Variants in CPNE4 observed in about 807,000 individuals in gnomAD.
The protein encoded by CPNE4 is copine-4.
CPNE4 carries 25 observed loss-of-function variants against 67.9 expected under a neutral mutation model. That is an observed-to-expected ratio of 0.37 (90% confidence interval 0.27 to 0.51). The LOEUF (loss-of-function observed/expected upper bound fraction) is 0.51. CPNE4 is among the 20% of genes least tolerant of loss of function. The pLI, the probability that CPNE4 is intolerant of heterozygous loss-of-function variation, is 0.93. For synonymous variants in CPNE4, 242 were observed against 244.9 expected, an observed-to-expected ratio of 0.99 and a Z score of 0.11; for missense variants, 464 against 690.8, an observed-to-expected ratio of 0.67 and a Z score of 3.68.
intron 6 of CPNE4, among the ~76,000 whole-genome samples, chr3:131,672,115 G>C (rs1225374745): frequency 6.6e-6 from 1 of 152,020 alleles, no homozygotes; most frequent in Non-Finnish European, 1.5e-5. Context: ...TTAATATAAA[G>C]ACCTCCAGTT....
chr3:131,733,053 A>T (rs2082162652), intron 2 of CPNE4, among the ~76,000 whole-genome samples: 1 of 152,242 alleles, frequency 6.6e-6, no homozygotes, highest in African/African-American at 2.4e-5. Flanking sequence ...TCATCCCAAC[A>T]ACTATATATT....
intron 2 of CPNE4, among the ~76,000 whole-genome samples, chr3:131,771,664 A>G (rs1045665196): frequency 6.6e-6 from 1 of 152,068 alleles, no homozygotes; most frequent in Admixed American, 6.6e-5. Context: ...AGAACCATGA[A>G]CCAAATAAAC....
chr3:131,569,372 C>T (rs1247669527), intron 10 of CPNE4, among the ~76,000 whole-genome samples: 1 of 151,956 alleles, frequency 6.6e-6, no homozygotes, highest in African/African-American at 2.4e-5. Flanking sequence ...CGGTGGCTCA[C>T]ACTTATAATC....
At chr3:131,808,968 C>T (rs2084424527) in intron 2 of CPNE4, among the ~76,000 whole-genome samples, 1 of 152,080 alleles carries the variant, frequency 6.6e-6, no homozygotes, top group Non-Finnish European at 1.5e-5. Flanking sequence ...TAAAAGTAGC[C>T]TGTGGTTTTT....
intron 2 of CPNE4, among the ~76,000 whole-genome samples, chr3:131,889,946 G>A (rs2088039466): frequency 6.6e-6 from 1 of 151,742 alleles, no homozygotes; most frequent in Non-Finnish European, 1.5e-5. Context: ...AACTAATAAT[G>A]GATTAAAGAC....
chr3:131,574,319 G>A (rs1470523550), intron 10 of CPNE4, among the ~76,000 whole-genome samples: 1 of 152,070 alleles, frequency 6.6e-6, no homozygotes, highest in East Asian at 1.9e-4. Flanking sequence ...TTTTCTGGAA[G>A]TCACATCTGA....
intron 2 of CPNE4, among the ~76,000 whole-genome samples, chr3:131,893,757 T>C (rs563660533): frequency 6.6e-6 from 1 of 151,998 alleles, no homozygotes; most frequent in South Asian, 2.1e-4. Context: ...AAAATTTTTA[T>C]TGGGATACAT....
At chr3:131,942,382 CCA>C (rs1553810130) in intron 1 of CPNE4, among the ~76,000 whole-genome samples, 2 of 145,254 alleles carry the variant, frequency 1.4e-5, no homozygotes, top group Non-Finnish European at 3.0e-5. Context: ...CCAAAGTCTA[CCA>C]CAGTTAATAT....
chr3:131,552,414 T>C, intron 13 of CPNE4, 26 bp downstream of exon 13: 1 of 1,605,738 alleles, frequency 6.2e-7, no homozygotes, highest in East Asian at 2.2e-5. Flanking sequence ...ACTGTGACAC[T>C]GGCTTTCTTT....
intron 1 of CPNE4, among the ~76,000 whole-genome samples, chr3:131,958,605 T>C (rs1189598744): frequency 2.2e-4 from 15 of 69,024 alleles, no homozygotes; most frequent in Non-Finnish European, 3.7e-4. Context: ...CCTTTCTTTC[T>C]TTTCTTTTTT....
intron 3 of CPNE4, among the ~76,000 whole-genome samples, chr3:131,717,964 T>C (rs1165444819): frequency 6.7e-6 from 1 of 150,116 alleles, no homozygotes; most frequent in Non-Finnish European, 1.5e-5. Context: ...TCTCTCTTTC[T>C]TTCTCTCTCT....
At position 131,617,871 on chromosome 3, in the gene CPNE4, G is replaced by T. The variant is rs72999297; in HGVS notation, c.682-30289C>A. On this transcript the variant is annotated intron_variant, in intron 7 of 15. Coordinates refer to ENST00000429747, the MANE Select transcript of CPNE4 (RefSeq NM_130808.3). ...TCACTGTGACCATTTTCTTCAGAGGGTTCTGTTTGACACCAATATTAACTC... is the reference window on the plus strand; with the variant it reads ...TCACTGTGACCATTTTCTTCAGAGGTTTCTGTTTGACACCAATATTAACTC... Among the ~76,000 whole-genome samples the T allele has an allele frequency of 4.4e-3, 676 of 152,208 alleles. 5 individuals are homozygous for T. Among genetic ancestry groups the T allele is most frequent in the African/African-American group, 0.016 (647 of 41,510 alleles).
chr3:131,657,704 T>TTGTG (rs56890555), intron 7 of CPNE4, among the ~76,000 whole-genome samples: 2,577 of 140,884 alleles, frequency 0.018, 62 homozygotes, highest in African/African-American at 0.058. Flanking sequence ...CCAGCTAATT[T>TTGTG]TGTGTGTGTG....
intron 1 of CPNE4, among the ~76,000 whole-genome samples, chr3:131,981,064 G>A (rs1583555187): frequency 6.6e-6 from 1 of 152,134 alleles, no homozygotes; most frequent in African/African-American, 2.4e-5. Flanking sequence ...GTCTCTCAGT[G>A]GTGGATACCA....
chr3:131,564,231 C>T lies in CPNE4; in HGVS notation c.1046G>A (p.Cys349Tyr). 6.2e-7 allele frequency: 1 copy of T among 1,612,880 alleles called. No homozygotes were observed. ...LKALVAVGEI[C>Y]QDYDSDKMFP... is the part of the protein sequence containing the mutation. ...AGCCTCTTACCTGTCATAGTCTTGG[C>T]AAATCTCCCCCACAGCTACCAAAGC... is the stretch of plus-strand genomic sequence containing the variant. Residue 349 changes from cysteine to tyrosine, a missense_variant, in exon 11 of 16, where the codon TGC (cysteine) becomes TAC (tyrosine). Physicochemically the swap from Cys to Tyr is radical, Grantham distance 194. Around this residue, in one of 6 missense-constraint regions of CPNE4, gnomAD observed 201 missense variants for 357.7 expected, o/e 0.56. Transcript: ENST00000429747.
chr3:131,693,251 C>A (rs918827166), intron 5 of CPNE4, among the ~76,000 whole-genome samples: 2 of 152,090 alleles, frequency 1.3e-5, no homozygotes, highest in Non-Finnish European at 2.9e-5. Flanking sequence ...GGTCTTAAGA[C>A]CCCTTTACAT....
intron 1 of CPNE4, among the ~76,000 whole-genome samples, chr3:131,976,206 A>G (rs1262455199): frequency 6.6e-6 from 1 of 151,980 alleles, no homozygotes; most frequent in East Asian, 1.9e-4. Flanking sequence ...TATATGGGAA[A>G]GAAGGCTAGG....
At chr3:131,552,552 A>G (rs1936241279) in intron 12 of CPNE4, 61 bp from the exon 13 acceptor site, 1 of 1,374,078 alleles carries the variant, frequency 7.3e-7, no homozygotes, top group Non-Finnish European at 1.0e-6. Context: ...TTAATCCAGT[A>G]AGAAGGCACT....
rs188685307 is a variant in CPNE4, at chr3:131,574,702, G to C, written c.927+369C>G. Among the ~76,000 whole-genome samples, 1,212 of 152,252 alleles carry C rather than the reference G, an allele frequency of 8.0e-3. 9 individuals carry two copies. Among genetic ancestry groups the C allele is most frequent in the Non-Finnish European group, 0.012 (810 of 68,002 alleles). On this transcript the variant is annotated intron_variant, in intron 10 of 15. Transcript: ENST00000429747. ...CAACCATGGCATCTGCCTTGGCTCA[G>C]TGGAACTTACTTGCTTGGCTTACTT... is the stretch of plus-strand genomic sequence containing the variant.
Sources: allele counts gnomAD v4.1 joint callset (sites outside exome capture counted in the v4.1 genomes callset), GRCh38; gene constraint gnomAD v4.1.1; regional missense constraint gnomAD v4.1.1; transcripts MANE v1.5; gene names NCBI Gene and HGNC (gene_info 2026-07-23, HGNC 2026-07-21).